Variants in PRPF40B observed in about 807,000 individuals in gnomAD.
PRPF40B encodes the protein pre-mRNA processing factor 40B.
PRPF40B carries 56 observed loss-of-function variants against 124.5 expected under a neutral mutation model. The observed-to-expected ratio is 0.45, with a 90% CI of 0.36 to 0.56. The LOEUF is 0.56. PRPF40B is among the 20% of genes least tolerant of loss of function. PRPF40B has a pLI of 0.00. For synonymous variants in PRPF40B, 443 were observed against 426.4 expected (o/e 1.04, Z -0.48); for missense variants, 1,053 against 1,169.5 (o/e 0.90, Z 1.45).
In PRPF40B at chr12:49,644,479, T is replaced by C. The variant is rs1024077449; in HGVS notation, c.*287T>C. The C allele has an allele frequency of 1.4e-5, 6 of 426,952 alleles. No homozygotes were observed. The highest frequency in any genetic ancestry group is 1.2e-4 in the African/African-American group (6 of 49,676). The allele number at this position is 426,952 out of a possible 1,614,324, so 26.4% of individuals were successfully genotyped here. A position where few individuals can be genotyped will look rare whatever the true frequency, so the allele number is the denominator to read the frequency against. On this transcript the variant is annotated 3_prime_UTR_variant, in exon 26 of 26. Coordinates refer to ENST00000548825, the MANE Select transcript of PRPF40B (RefSeq NM_001031698.3). ...GTAGATAAAAGTGTGAGAGAAGGGG[T>C]CTCCAGGGAAGAGTCACAGGCTGTT...
In PRPF40B at chr12:49,637,829, G is replaced by A. The variant is rs1001617506; in HGVS notation, c.1767+5G>A. On this transcript the variant is annotated splice_donor_5th_base_variant and intron_variant, in intron 18 of 25. Coordinates refer to ENST00000548825, the MANE Select transcript of PRPF40B (RefSeq NM_001031698.3). ...ATCATTAAGGACATCCTTAAGGTGA[G>A]GGAGGCTGGGGTTATGGATGGATAC... The A allele has an allele frequency of 6.3e-7, 1 of 1,596,542 alleles. No individual in the cohort carries two copies. Among genetic ancestry groups the A allele is most frequent in the African/African-American group, 1.3e-5 (1 of 74,540 alleles).
intron 2 of PRPF40B, 138 bp downstream of exon 2, chr12:49,630,763 C>T: frequency 1.6e-6 from 1 of 609,934 alleles, no homozygotes; most frequent in Non-Finnish European, 3.0e-6. Flanking sequence ...GATGGTTTTA[C>T]TTGAGCATTG....
At position 49,634,481 on chromosome 12, in the gene PRPF40B, G is replaced by A. The variant is rs761738003; in HGVS notation, c.936+26G>A. ...GTGCTGGAGTGGGGCTCCCAGGGAA[G>A]GTTTGGAGGGGGCTGGAGCGGGGCA... On this transcript the variant is annotated intron_variant, in intron 11 of 25. Transcript: ENST00000548825. The A allele has an allele frequency of 3.7e-6, 6 of 1,614,176 alleles. No individual in the cohort carries two copies. In the South Asian group the frequency reaches 4.4e-5, roughly 12 times the overall value.
In PRPF40B at chr12:49,633,006, C is replaced by CT. The variant is rs1941388225; in HGVS notation, c.349-8_349-7insT. ...TGACCACCATTCTGTGCCCCCCCCC[C>CT]CACCCAGAGGGCCCTATGGAGTGAG... On this transcript the variant is annotated splice_polypyrimidine_tract_variant and splice_region_variant and intron_variant, in intron 6 of 25. Coordinates refer to ENST00000548825, the MANE Select transcript of PRPF40B (RefSeq NM_001031698.3). The CT allele has an allele frequency of 2.2e-6, 2 of 896,652 alleles. No individual in the cohort carries two copies. The highest frequency in any genetic ancestry group is 8.5e-5 in the East Asian group (2 of 23,462). The allele number at this position is 896,652 out of a possible 1,614,324, so 55.5% of individuals were successfully genotyped here. A position where few individuals can be genotyped will look rare whatever the true frequency, so the allele number is the denominator to read the frequency against.
intron 12 of PRPF40B, 107 bp downstream of exon 12, chr12:49,634,709 G>A (rs1412946067): frequency 5.0e-6 from 7 of 1,397,094 alleles, no homozygotes; most frequent in Non-Finnish European, 4.9e-6. Flanking sequence ...CCAGAGTCAG[G>A]ACAGTGATAG....
intron 16 of PRPF40B, 135 bp from the exon 17 acceptor site, chr12:49,637,333 ATC>A: frequency 1.6e-6 from 1 of 632,884 alleles, no homozygotes; most frequent in Non-Finnish European, 2.8e-6. Flanking sequence ...GCATCTCTTC[ATC>A]TCTGCCTCTC....
At chr12:49,637,363 A>G in intron 16 of PRPF40B, 107 bp from the exon 17 acceptor site, 1 of 726,810 alleles carries the variant, frequency 1.4e-6, no homozygotes, top group Non-Finnish European at 2.3e-6. Context: ...CATTTCCTCA[A>G]TCTTGATTGT....
In PRPF40B at chr12:49,633,670, C is replaced by G; in HGVS notation, c.605+9C>G. The G allele has an allele frequency of 2.5e-6, 4 of 1,614,170 alleles. No individual in the cohort carries two copies. Among genetic ancestry groups the G allele is most frequent in the Non-Finnish European group, 3.4e-6 (4 of 1,180,024 alleles). On this transcript the variant is annotated intron_variant, in intron 9 of 25. Transcript: ENST00000548825. ...AAACAAGAGGCTGCAGGGTGAGTGA[C>G]TTGCCCACCTATCCATTTATAGTTG...
Position 49,633,987 on chromosome 12 carries a change from G to A in PRPF40B, c.707G>A (p.Gly236Asp). The A allele has an allele frequency of 1.2e-6, 2 of 1,614,196 alleles. No individual in the cohort carries two copies. Among genetic ancestry groups the A allele is most frequent in the Non-Finnish European group, 1.7e-6 (2 of 1,180,022 alleles). Residue 236 changes from glycine to aspartate, a missense_variant, in exon 10 of 26, where the codon GGC becomes GAC. Gly to Asp is a moderately conservative substitution (Grantham distance 94). Transcript: ENST00000548825. ...VPPGPTPVPT[G>D]LLEPEPGGSE... Reference sequence around the variant, plus strand: ...CCTGGCCCCACCCCAGTGCCCACAGGCCTCCTGGAACCTGAGCCAGGTGGG... The same window carrying A: ...CCTGGCCCCACCCCAGTGCCCACAGACCTCCTGGAACCTGAGCCAGGTGGG...
rs1941458016 is a variant in PRPF40B, at chr12:49,633,606, T to C, written c.581-31T>C. ...CTCTGGGGGCTCCCTATTGCCCCTG[T>C]GACTGACTGTGTTATCTTTTCCCAT... On this transcript the variant is annotated intron_variant, in intron 8 of 25. Coordinates refer to ENST00000548825, the MANE Select transcript of PRPF40B (RefSeq NM_001031698.3). 6.2e-6 allele frequency: 10 copies of C among 1,614,208 alleles called. No individual in the cohort carries two copies. The East Asian group carries it at 2.2e-4, about 36-fold the overall frequency.
rs200319664 is a variant in PRPF40B at position 49,642,685 on chromosome 12, G to T, written c.2118+10G>T. The T allele has an allele frequency of 1.2e-6, 2 of 1,612,756 alleles. No individual in the cohort carries two copies. Among genetic ancestry groups the T allele is most frequent in the East Asian group, 2.2e-5 (1 of 44,836 alleles). On this transcript the variant is annotated intron_variant, in intron 21 of 25. Transcript: ENST00000548825. The surrounding 1 kb of genome is among the most constrained non-coding windows in gnomAD (Gnocchi z 5.8). ...CCTACAGGTGCTGGAGGTGAGGCAG[G>T]CTTGTCCTCTGGATCTGCCTCAGGC...
intron 12 of PRPF40B, 173 bp from the exon 13 acceptor site, chr12:49,634,926 C>T (rs917488288): frequency 4.1e-6 from 3 of 725,162 alleles, no homozygotes; most frequent in Non-Finnish European, 6.6e-6. Flanking sequence ...AGCTGCATCT[C>T]TTCCCCTCAC....
rs764979918 is a variant in PRPF40B at position 49,644,132 on chromosome 12, T to C, written c.2619T>C (p.Ser873=). Residue 873 remains serine, a synonymous_variant, in exon 26 of 26, where the codon AGT becomes AGC. Transcript: ENST00000548825. ...GGGACACGTCAGAAAGTGAGCTGAG[T>C]GAGGGTGAGCTGGAGAGGCGGCGGC... is the stretch of plus-strand genomic sequence containing the variant. ...TGWDTSESEL[S]EGELERRRRT... 11 of 1,613,864 alleles carry C rather than the reference T, an allele frequency of 6.8e-6. No individual in the cohort carries two copies. In the East Asian group the frequency reaches 1.8e-4, roughly 26 times the overall value.
At position 49,642,316 on chromosome 12, in the gene PRPF40B, C is replaced by A; in HGVS notation, c.1966C>A (p.Arg656=). 6.2e-7 allele frequency: 1 copy of A among 1,614,154 alleles called. No homozygotes were observed. The change falls in exon 20 of 26, where the codon CGA becomes AGA. Residue 656 remains arginine, a synonymous_variant. Transcript: ENST00000548825. This position sits in a 1 kb window ranked among gnomAD's most constrained non-coding sequence, Gnocchi z 5.8. Reference sequence around the variant, plus strand: ...GATGCGGCGCAGGGAAGCTGCCTTTCGAAGCATGCTGAGGCAGGCTGTGCC... The same window carrying A: ...GATGCGGCGCAGGGAAGCTGCCTTTAGAAGCATGCTGAGGCAGGCTGTGCC... The part of the protein sequence containing the change: ...RRMRRREAAF[R]SMLRQAVPAL...
At chr12:49,623,689 G>GATA in intron 1 of PRPF40B, 96 bp downstream of exon 1, 1 of 1,035,246 alleles carries the variant, frequency 9.7e-7, no homozygotes, top group Non-Finnish European at 1.2e-6. Flanking sequence ...GGCCGCTGGG[G>GATA]ATAGCTGGGA....
intron 1 of PRPF40B, among the ~76,000 whole-genome samples, chr12:49,625,652 G>A (rs1252683919): frequency 2.0e-5 from 3 of 152,140 alleles, no homozygotes; most frequent in Non-Finnish European, 4.4e-5. Flanking sequence ...CACTGGCCCA[G>A]GTGAACATAT....
Position 49,631,426 on chromosome 12 carries a change from C to A in PRPF40B, c.110C>A (p.Pro37His), listed in dbSNP as rs775706608. 4.8e-6 allele frequency: 7 copies of A among 1,460,874 alleles called. No homozygotes were observed. In the East Asian group the frequency reaches 1.7e-4, roughly 36 times the overall value. 90.5% of individuals were successfully genotyped at this position (1,460,874 alleles called of 1,614,324 possible). A position where few individuals can be genotyped will look rare whatever the true frequency, so the allele number is the denominator to read the frequency against. Residue 37 changes from proline to histidine, a missense_variant, in exon 3 of 26, where the codon CCC becomes CAC. Physicochemically the swap from Pro to His is moderately conservative, Grantham distance 77 (BLOSUM62 -2). Coordinates refer to ENST00000548825, the MANE Select transcript of PRPF40B (RefSeq NM_001031698.3). The surrounding 1 kb of genome is among the most constrained non-coding windows in gnomAD (Gnocchi z 4.3). ...ATGCCCCCTCCAGGGATCCCCCCAC[C>A]CTTTCCTCCGATGGGGCTACCCCCC... is the stretch of plus-strand genomic sequence containing the variant. ...PFMPPPGIPP[P>H]FPPMGLPPMS... is the part of the protein sequence containing the mutation.
At position 49,634,107 on chromosome 12, in the gene PRPF40B, C is replaced by A. The variant is rs773065013; in HGVS notation, c.812+15C>A. On this transcript the variant is annotated intron_variant, in intron 10 of 25. Transcript: ENST00000548825. ...GGCCCCAGCAGGTGAGGGCTGCCCC[C>A]CATGGCATTCCCAATGTTGGCCTCA... The A allele has an allele frequency of 1.2e-6, 2 of 1,607,446 alleles. No individual in the cohort carries two copies. Among genetic ancestry groups the A allele is most frequent in the African/African-American group, 2.7e-5 (2 of 74,784 alleles).
chr12:49,636,987 T>A, intron 16 of PRPF40B, 138 bp downstream of exon 16: 3 of 1,280,064 alleles, frequency 2.3e-6, no homozygotes, highest in Non-Finnish European at 3.2e-6. Flanking sequence ...GAGACCTCTC[T>A]CTGCCTGCAG....
Sources: gnomAD v4.1 joint callset for allele counts (sites outside exome capture counted in the v4.1 genomes callset) on GRCh38, gnomAD v4.1.1 for gene constraint, Gnocchi (gnomAD v3.1) non-coding constraint, MANE v1.5 for transcripts, NCBI Gene and HGNC (gene_info 2026-07-23, HGNC 2026-07-21) for gene names.